SORCS1: variants seen among roughly 807,000 people sequenced by gnomAD.
SORCS1 encodes the protein sortilin related VPS10 domain containing receptor 1.
Under a neutral mutation model 146.1 loss-of-function variants are expected in SORCS1, and 60 were observed. That is an observed-to-expected ratio of 0.41 (90% CI 0.33 to 0.51). The LOEUF is 0.51. SORCS1 is among the 20% of genes least tolerant of loss of function. The pLI is 0.21. For missense variants in SORCS1, 1,352 were observed against 1,487.6 expected, an observed-to-expected ratio of 0.91 and a Z score of 1.50; for synonymous variants, 637 against 584.0, an observed-to-expected ratio of 1.09 and a Z score of -1.31.
At chr10:106,578,580 A>G in intron 25 of SORCS1, 1 of 912,712 alleles carries the variant, frequency 1.1e-6, no homozygotes, top group South Asian at 5.0e-5. Context: ...AAAAAAAAAA[A>G]AATTCCCTGG....
In SORCS1 at chr10:106,732,110, G is replaced by T. The variant is rs148695312; in HGVS notation, c.960-1996C>A. ...TCTGGAGAAAAGAAGTCTCCTTAAA[G>T]CCCTGTTATCGCTGTCAATAAGTTT... On this transcript the variant is annotated intron_variant, in intron 5 of 25. Transcript: ENST00000263054. Among the ~76,000 whole-genome samples the T allele has an allele frequency of 1.7e-3, 262 of 152,300 alleles. 2 individuals are homozygous for T. Among genetic ancestry groups the T allele is most frequent in the African/African-American group, 6.1e-3 (252 of 41,572 alleles).
At chr10:106,997,469 C>G (rs1301114636) in intron 1 of SORCS1, among the ~76,000 whole-genome samples, 1 of 152,178 alleles carries the variant, frequency 6.6e-6, no homozygotes, top group African/African-American at 2.4e-5. Context: ...TGCTACAGAA[C>G]AATTCTCCCC....
intron 18 of SORCS1, among the ~76,000 whole-genome samples, chr10:106,640,674 A>G (rs1420289994): frequency 6.6e-6 from 1 of 152,296 alleles, no homozygotes; most frequent in Admixed American, 6.5e-5. Flanking sequence ...AGGTTCTTGC[A>G]TTGGATTTCT....
At chr10:107,109,555 G>GC (rs1290237058) in intron 1 of SORCS1, among the ~76,000 whole-genome samples, 1 of 152,216 alleles carries the variant, frequency 6.6e-6, no homozygotes, top group African/African-American at 2.4e-5. Flanking sequence ...CCTGGGCCCT[G>GC]CCCCTGAAAC....
intron 3 of SORCS1, among the ~76,000 whole-genome samples, chr10:106,800,539 TA>T (rs71025555): frequency 0.27 from 32,732 of 122,050 alleles, 6,554 homozygotes; most frequent in Non-Finnish European, 0.35. Flanking sequence ...TTTTTTTTTT[TA>T]AGATGGAGTC....
At chr10:106,879,686 T>G (rs184891910) in intron 2 of SORCS1, among the ~76,000 whole-genome samples, 7 of 152,302 alleles carry the variant, frequency 4.6e-5, no homozygotes, top group Admixed American at 4.6e-4. Context: ...CTGCCATTGC[T>G]GAAGATGGAG....
At chr10:106,709,393 C>G in intron 6 of SORCS1, 52 bp from the exon 7 acceptor site, 1 of 1,085,268 alleles carries the variant, frequency 9.2e-7, no homozygotes, top group South Asian at 1.3e-5. Context: ...GATATACAGA[C>G]AGAGATTTAC....
Position 106,829,601 on chromosome 10 carries a change from G to A in SORCS1, c.699C>T (p.Leu233=). Residue 233 remains leucine (L), a synonymous_variant, in exon 3 of 26, where the codon CTC becomes CTT. Transcript: ENST00000263054. ...KVGLKTILSY[L]YVCPTNKRKI... is the part of the protein sequence containing the mutation. ...TACGCTTGTTGGTAGGACACACATA[G>A]AGATAGCTCAAAATGGTTTTCAAAC... 6.2e-7 allele frequency: 1 copy of A among 1,604,378 alleles called. No homozygotes were observed. Among genetic ancestry groups the A allele is most frequent in the Non-Finnish European group, 8.5e-7 (1 of 1,172,454 alleles).
intron 1 of SORCS1, among the ~76,000 whole-genome samples, chr10:107,086,418 A>C (rs978852325): frequency 6.6e-5 from 10 of 152,226 alleles, no homozygotes; most frequent in Admixed American, 2.6e-4. Context: ...AAATATTGAG[A>C]TATCCTAAAA....
chr10:106,716,529 T>G (rs1310802017), intron 6 of SORCS1, among the ~76,000 whole-genome samples: 2 of 152,250 alleles, frequency 1.3e-5, no homozygotes, highest in Non-Finnish European at 2.9e-5. Flanking sequence ...TCTGTGATGT[T>G]GCTGGCAAGT....
chr10:106,688,529 T>C (rs1853047119), intron 9 of SORCS1, among the ~76,000 whole-genome samples, 191 bp from the exon 10 acceptor site: 1 of 152,110 alleles, frequency 6.6e-6, no homozygotes, highest in South Asian at 2.1e-4. Flanking sequence ...CAACAACAGA[T>C]TGGTGATCCT....
intron 18 of SORCS1, among the ~76,000 whole-genome samples, chr10:106,641,479 G>A (rs962785887): frequency 6.6e-6 from 1 of 152,128 alleles, no homozygotes; most frequent in African/African-American, 2.4e-5. Flanking sequence ...CTAGAATTAG[G>A]ACATGCATTC....
intron 21 of SORCS1, 109 bp downstream of exon 21, chr10:106,618,040 C>T (rs1050045274): frequency 2.3e-5 from 33 of 1,439,582 alleles, no homozygotes; most frequent in Non-Finnish European, 2.8e-5. Context: ...TACTGCCCTC[C>T]GTTCTCCAGG....
At chr10:106,826,683 G>A (rs1393012109) in intron 3 of SORCS1, among the ~76,000 whole-genome samples, 1 of 152,100 alleles carries the variant, frequency 6.6e-6, no homozygotes, top group Non-Finnish European at 1.5e-5. Context: ...CCATTGTTAA[G>A]ACGTTCATCG....
intron 1 of SORCS1, among the ~76,000 whole-genome samples, chr10:106,994,415 G>T (rs541160224): frequency 6.6e-5 from 10 of 151,932 alleles, no homozygotes; most frequent in African/African-American, 1.9e-4. Context: ...TAAGTAATCC[G>T]GGAATTAAAA....
At chr10:106,732,232 G>T (rs1448820881) in intron 5 of SORCS1, among the ~76,000 whole-genome samples, 1 of 152,074 alleles carries the variant, frequency 6.6e-6, no homozygotes, top group Non-Finnish European at 1.5e-5. Flanking sequence ...TCCTAATAAG[G>T]GTCTCATAAT....
intron 21 of SORCS1, among the ~76,000 whole-genome samples, chr10:106,612,812 C>G (rs1278670437): frequency 6.6e-6 from 1 of 152,126 alleles, no homozygotes; most frequent in African/African-American, 2.4e-5. Context: ...GTTCTAGGTT[C>G]TGCGCTCCTG....
chr10:106,707,489 C>A (rs1306218534), intron 7 of SORCS1, among the ~76,000 whole-genome samples: 1 of 152,162 alleles, frequency 6.6e-6, no homozygotes, highest in East Asian at 1.9e-4. Context: ...GCATGACCCA[C>A]TGTGCCCAGC....
At chr10:106,754,245 T>C (rs915486553) in intron 5 of SORCS1, among the ~76,000 whole-genome samples, 1 of 152,118 alleles carries the variant, frequency 6.6e-6, no homozygotes, top group African/African-American at 2.4e-5. Context: ...TTCTTTAACA[T>C]TGGAGTGAAT....
Sources: allele counts gnomAD v4.1 joint callset (sites outside exome capture counted in the v4.1 genomes callset), GRCh38; gene constraint gnomAD v4.1.1; transcripts MANE v1.5; gene names NCBI Gene and HGNC (gene_info 2026-07-23, HGNC 2026-07-21).